The following LAMA3 variants were observed in gnomAD, a reference collection of about 807,000 sequenced individuals.
The protein encoded by LAMA3 is laminin subunit alpha 3, also known as laminin subunit alpha-3.
A neutral mutation model predicts 402.0 loss-of-function variants in LAMA3; 281 were observed. The ratio of observed to expected loss-of-function variants is 0.70; its 90% CI spans 0.63 to 0.77. The LOEUF (loss-of-function observed/expected upper bound fraction) is 0.77. LAMA3 is among the 30% of genes least tolerant of loss of function. LAMA3 has a pLI of 0.00. For missense variants in LAMA3, 3,840 were observed against 4,215.5 expected (o/e 0.91, Z 2.47); for synonymous variants, 1,431 against 1,558.4 (o/e 0.92, Z 1.93).
chr18:23,709,959 T>A, intron 1 of LAMA3: 1 of 729,698 alleles, frequency 1.4e-6, no homozygotes, highest in Non-Finnish European at 2.5e-6. Context: ...CTTCACAGCC[T>A]GTTTGATTTG....
intron 60 of LAMA3, among the ~76,000 whole-genome samples, chr18:23,920,204 G>A (rs896301873): frequency 6.6e-6 from 1 of 152,176 alleles, no homozygotes; most frequent in African/African-American, 2.4e-5. Context: ...GGAAGAAGAG[G>A]CAGGCTTGGC....
At chr18:23,843,516 C>T (rs1266645550) in intron 29 of LAMA3, among the ~76,000 whole-genome samples, 4 of 152,166 alleles carry the variant, frequency 2.6e-5, no homozygotes, top group Non-Finnish European at 5.9e-5. Flanking sequence ...GCCCCGTTGT[C>T]CTCACTGACC....
intron 2 of LAMA3, 54 bp downstream of exon 2, chr18:23,714,126 T>G (rs2061049437): frequency 1.3e-6 from 2 of 1,488,044 alleles, no homozygotes; most frequent in African/African-American, 2.8e-5. Context: ...ACTGTTTCTA[T>G]GGGGATTTCT....
chr18:23,872,856 G>A (rs1188676304), intron 38 of LAMA3: 4 of 632,846 alleles, frequency 6.3e-6, no homozygotes, highest in African/African-American at 1.8e-5. Context: ...AGAGCGGTGC[G>A]CTTACCTGCG....
Position 23,753,829 on chromosome 18 carries a change from G to T in LAMA3, c.947+17G>T, listed in dbSNP as rs2061795236. The stretch of plus-strand genomic sequence containing the variant: ...TGAAAAACTGTAAGTACACTGTACA[G>T]ATTTTTTTCAGCCTTACTATGATTA... On this transcript the variant is annotated intron_variant, in intron 6 of 74. Coordinates refer to ENST00000313654, the MANE Select transcript of LAMA3 (RefSeq NM_198129.4). 1 of 1,558,254 alleles carries T rather than the reference G, an allele frequency of 6.4e-7. No individual in the cohort carries two copies. The highest frequency in any genetic ancestry group is 1.4e-5 in the African/African-American group (1 of 73,980).
intron 14 of LAMA3, among the ~76,000 whole-genome samples, chr18:23,813,459 C>T (rs1263041954): frequency 6.6e-6 from 1 of 151,148 alleles, no homozygotes; most frequent in Non-Finnish European, 1.5e-5. Flanking sequence ...ATAAAGTTGG[C>T]TGTGTACAAA....
At chr18:23,917,995 T>C (rs2081698501) in intron 60 of LAMA3, among the ~76,000 whole-genome samples, 1 of 152,196 alleles carries the variant, frequency 6.6e-6, no homozygotes, top group African/African-American at 2.4e-5. Flanking sequence ...GAATAGGTTT[T>C]CTTCAAGGGT....
chr18:23,848,437 G>C (rs111563162), intron 32 of LAMA3, among the ~76,000 whole-genome samples: 203 of 152,304 alleles, frequency 1.3e-3, no homozygotes, highest in African/African-American at 4.4e-3. Flanking sequence ...GGGGCTGCAG[G>C]GGCCAGAGAA....
At chr18:23,758,679 C>G (rs2061904988) in intron 7 of LAMA3, among the ~76,000 whole-genome samples, 168 bp downstream of exon 7, 1 of 152,240 alleles carries the variant, frequency 6.6e-6, no homozygotes, top group Admixed American at 6.5e-5. Context: ...AAGTGCCCTC[C>G]TCTGAATTCA....
chr18:23,937,396 A>G (rs1179060183), intron 67 of LAMA3, among the ~76,000 whole-genome samples: 2 of 140,682 alleles, frequency 1.4e-5, no homozygotes, highest in Non-Finnish European at 3.2e-5. Flanking sequence ...AAAAAAAAAA[A>G]AAGAGGGCTG....
At chr18:23,882,160 G>T in intron 40 of LAMA3, 115 bp downstream of exon 40, 1 of 728,742 alleles carries the variant, frequency 1.4e-6, no homozygotes. Flanking sequence ...AAGGGTCTGG[G>T]ATTTCTTTTT....
Position 23,884,721 on chromosome 18 carries a change from A to C in LAMA3, c.5223-52A>C, listed in dbSNP as rs1598999611. On this transcript the variant is annotated intron_variant, in intron 40 of 74. Transcript: ENST00000313654. ...GTCCTTTGTGGTAAAAAATAAGCAT[A>C]AATCCTATCGATCTGTGTTTTTGAT... 3.1e-5 allele frequency: 45 copies of C among 1,462,732 alleles called. 1 individual carries two copies. The East Asian group carries it at 1.0e-3, about 32-fold the overall frequency. The allele number at this position is 1,462,732 out of a possible 1,614,324, so 90.6% of individuals were successfully genotyped here. A position where few individuals can be genotyped will look rare whatever the true frequency, so the allele number is the denominator to read the frequency against.
chr18:23,905,384 G>T, intron 51 of LAMA3, 138 bp from the exon 52 acceptor site: 2 of 603,230 alleles, frequency 3.3e-6, no homozygotes, highest in Non-Finnish European at 3.1e-6. Flanking sequence ...AACTCTTTTA[G>T]GGAACAATCT....
chr18:23,705,490 T>C (rs1021593601), intron 1 of LAMA3, among the ~76,000 whole-genome samples: 1 of 123,078 alleles, frequency 8.1e-6, no homozygotes, highest in Non-Finnish European at 1.9e-5. Context: ...CAGACATATA[T>C]GCATATATAT....
rs115985433 is a variant in LAMA3 at position 23,729,747 on chromosome 18, G to A, written c.447+15675G>A. 5.3e-3 allele frequency among the ~76,000 whole-genome samples: 801 copies of A among 152,324 alleles called. 10 individuals carry two copies. Among genetic ancestry groups the A allele is most frequent in the African/African-American group, 0.018 (745 of 41,566 alleles). Reference sequence around the variant, plus strand: ...GCAAGCTTATGAGGTGGGTCCCCACGTTCTAGAAGGGGAAATGGGAAGCCC... The same window carrying A: ...GCAAGCTTATGAGGTGGGTCCCCACATTCTAGAAGGGGAAATGGGAAGCCC... On this transcript the variant is annotated intron_variant, in intron 2 of 74. Transcript: ENST00000313654.
At chr18:23,929,296 T>C (rs1223757067) in intron 64 of LAMA3, among the ~76,000 whole-genome samples, 1 of 152,246 alleles carries the variant, frequency 6.6e-6, no homozygotes, top group Admixed American at 6.5e-5. Context: ...CACAAGGAGA[T>C]ACCATCTGTA....
chr18:23,829,007 T>A (rs564965577), intron 23 of LAMA3, among the ~76,000 whole-genome samples: 2 of 152,214 alleles, frequency 1.3e-5, no homozygotes, highest in Non-Finnish European at 2.9e-5. Flanking sequence ...TGAAAAAAGA[T>A]AACATCTCCA....
At chr18:23,695,736 G>GAC (rs2060671204) in intron 1 of LAMA3, among the ~76,000 whole-genome samples, 1 of 136,900 alleles carries the variant, frequency 7.3e-6, no homozygotes, top group African/African-American at 2.8e-5. Flanking sequence ...GGTGGAGGCT[G>GAC]CAGTGAGCCG....
rs144409803 is a variant in LAMA3, at chr18:23,895,130, A to G, written c.5613+72A>G. 0.011 allele frequency: 17,105 copies of G among 1,515,770 alleles called. 127 individuals carry two copies. The highest frequency in any genetic ancestry group is 0.014 in the Non-Finnish European group (15,170 of 1,123,612). 93.9% of individuals were successfully genotyped at this position (1,515,770 alleles called of 1,614,324 possible). ...CGGGAGTGGATTCTCCATAAGCAGG[A>G]AGGGAAAGGTTGACTCCTGGAAAGG... is the stretch of plus-strand genomic sequence containing the variant. On this transcript the variant is annotated intron_variant, in intron 44 of 74. Coordinates refer to ENST00000313654, the MANE Select transcript of LAMA3 (RefSeq NM_198129.4).
Sources: gnomAD v4.1 joint callset for allele counts (sites outside exome capture counted in the v4.1 genomes callset) on GRCh38, gnomAD v4.1.1 for gene constraint, MANE v1.5 for transcripts, NCBI Gene and HGNC (gene_info 2026-07-23, HGNC 2026-07-21) for gene names.